ONECUT2: variants seen among roughly 807,000 people sequenced by gnomAD.
The protein encoded by ONECUT2 is one cut homeobox 2.
In ONECUT2, 10 loss-of-function variants were observed where a neutral mutation model predicts 27.9. The observed-to-expected ratio is 0.36, with a 90% CI of 0.22 to 0.61. The LOEUF (loss-of-function observed/expected upper bound fraction) is 0.61. Ranked by LOEUF, ONECUT2 falls within the 20% of genes least tolerant of loss-of-function variation. The probability of loss-of-function intolerance (pLI) is 0.73; values close to 1 mark genes in which losing one functional copy is unlikely to be tolerated. For synonymous variants in ONECUT2, 334 were observed against 315.1 expected, an observed-to-expected ratio of 1.06 and a Z score of -0.64; for missense variants, 686 against 721.0, an observed-to-expected ratio of 0.95 and a Z score of 0.56.
At chr18:57,438,819 G>A (rs2050158429) in intron 1 of ONECUT2, among the ~76,000 whole-genome samples, 1 of 151,166 alleles carries the variant, frequency 6.6e-6, no homozygotes, top group South Asian at 2.1e-4. Context: ...TTGGTTCGGG[G>A]CAAGATAAAG....
rs556926000 is a variant in ONECUT2 at position 57,467,096 on chromosome 18, C to A, written c.1229-9341C>A. 11 of 447,314 alleles carry A rather than the reference C, an allele frequency of 2.5e-5. No individual in the cohort carries two copies. The East Asian group carries it at 4.2e-4, about 17-fold the overall frequency. 27.7% of individuals were successfully genotyped at this position (447,314 alleles called of 1,614,324 possible). A position where few individuals can be genotyped will look rare whatever the true frequency, so the allele number is the denominator to read the frequency against. On this transcript the variant is annotated intron_variant, in intron 1 of 1. Coordinates refer to ENST00000491143, the MANE Select transcript of ONECUT2 (RefSeq NM_004852.3). ...ATCCAAGAGCCCTCATTTCCTGAGT[C>A]CCCTTCAGTGACTTTGTATTGAAAG...
chr18:57,442,210 T>G (rs4940401), intron 1 of ONECUT2, among the ~76,000 whole-genome samples: 14,894 of 149,886 alleles, frequency 0.099, 913 homozygotes, highest in South Asian at 0.17. Context: ...ATCAGGGACC[T>G]AAGTGGGAGT....
Position 57,436,528 on chromosome 18 carries a change from C to G in ONECUT2, c.812C>G (p.Thr271Ser). The G allele has an allele frequency of 6.2e-7, 1 of 1,612,888 alleles. No individual in the cohort carries two copies. Among genetic ancestry groups the G allele is most frequent in the South Asian group, 1.1e-5 (1 of 91,074 alleles). Reference sequence around the variant, plus strand: ...GACGCGCACCACACTGCCATGCTGACCCGCGGTGAGCAACACCTGTCCCGC... The same window carrying G: ...GACGCGCACCACACTGCCATGCTGAGCCGCGGTGAGCAACACCTGTCCCGC... ...NFDAHHTAMLTRGEQHLSRGL... is the reference protein window; with the variant it reads ...NFDAHHTAMLSRGEQHLSRGL... Residue 271 changes from threonine to serine, a missense_variant, in exon 1 of 2, where the codon ACC (threonine) becomes AGC (serine). By Grantham distance (58) the Thr-to-Ser change is moderately conservative. Around this residue, in one of 4 missense-constraint regions of ONECUT2, gnomAD observed 511 missense variants for 488.1 expected, o/e 1.05. Coordinates refer to ENST00000491143, the MANE Select transcript of ONECUT2 (RefSeq NM_004852.3). The surrounding 1 kb of genome is among the most constrained non-coding windows in gnomAD (Gnocchi z 5.9).
At chr18:57,470,561 A>G (rs906798438) in intron 1 of ONECUT2, among the ~76,000 whole-genome samples, 3 of 152,138 alleles carry the variant, frequency 2.0e-5, no homozygotes, top group Non-Finnish European at 4.4e-5. Flanking sequence ...GAAACTGACA[A>G]CCCTGGACTG....
intron 1 of ONECUT2, among the ~76,000 whole-genome samples, chr18:57,471,073 C>T (rs1037470115): frequency 8.5e-5 from 13 of 152,246 alleles, no homozygotes; most frequent in African/African-American, 2.7e-4. Flanking sequence ...CAGGACACCA[C>T]GGGGCCTTTT....
rs565395216 is a variant in ONECUT2, at chr18:57,442,679, G to A, written c.1228+5735G>A. The stretch of plus-strand genomic sequence containing the variant: ...AAGACTCCTAGGCCCTGGGAGGGGC[G>A]AGTGGGCCTTTAGAGGATAGAATCA... On this transcript the variant is annotated intron_variant, in intron 1 of 1. Coordinates refer to ENST00000491143, the MANE Select transcript of ONECUT2 (RefSeq NM_004852.3). Among the ~76,000 whole-genome samples the A allele has an allele frequency of 4.6e-5, 7 of 152,284 alleles. No homozygotes were observed. The South Asian group carries it at 8.3e-4, about 18-fold the overall frequency.
At chr18:57,448,819 C>T (rs2050214979) in intron 1 of ONECUT2, among the ~76,000 whole-genome samples, 1 of 152,156 alleles carries the variant, frequency 6.6e-6, no homozygotes, top group African/African-American at 2.4e-5. Context: ...TAAACAAGAC[C>T]TTTTCTATTA....
rs1054993388 is a variant in ONECUT2, at chr18:57,486,010, T to C, written c.*9287T>C. Reference sequence around the variant, plus strand: ...GACAGAGCAAAGATGACTTAATTCATTGAGCAGCAGAGCTCCCTATAAGTG... The same window carrying C: ...GACAGAGCAAAGATGACTTAATTCACTGAGCAGCAGAGCTCCCTATAAGTG... On this transcript the variant is annotated 3_prime_UTR_variant, in exon 2 of 2. Transcript: ENST00000491143. 6.6e-6 allele frequency: 1 copy of C among 152,636 alleles called. No individual in the cohort carries two copies. Among genetic ancestry groups the C allele is most frequent in the African/African-American group, 2.4e-5 (1 of 41,442 alleles). The allele number at this position is 152,636 out of a possible 1,614,324, so 9.5% of individuals were successfully genotyped here.
At chr18:57,437,928 C>T (rs1598927937) in intron 1 of ONECUT2, among the ~76,000 whole-genome samples, 1 of 152,212 alleles carries the variant, frequency 6.6e-6, no homozygotes, top group African/African-American at 2.4e-5. Flanking sequence ...ATTGTGCGCG[C>T]CTGGCGACCG....
chr18:57,441,620 C>T (rs1429991418), intron 1 of ONECUT2, among the ~76,000 whole-genome samples: 5 of 152,264 alleles, frequency 3.3e-5, no homozygotes, highest in Non-Finnish European at 7.3e-5. Flanking sequence ...GAACGGTGCC[C>T]GAGTCTTCCT....
At chr18:57,445,138 AT>A (rs2144300279) in intron 1 of ONECUT2, among the ~76,000 whole-genome samples, 1 of 152,288 alleles carries the variant, frequency 6.6e-6, no homozygotes, top group South Asian at 2.1e-4. Context: ...CTTCATTAAG[AT>A]TGGTTCACTT....
chr18:57,464,732 G>A (rs2050311364), intron 1 of ONECUT2, among the ~76,000 whole-genome samples: 1 of 152,158 alleles, frequency 6.6e-6, no homozygotes, highest in African/African-American at 2.4e-5. Context: ...CATTAGTGTA[G>A]TCTTAACAAA....
In ONECUT2 at chr18:57,438,507, G is replaced by A. The variant is rs545360708; in HGVS notation, c.1228+1563G>A. Reference sequence around the variant, plus strand: ...CACCGCTGAGCCCAGCTTGTGGGGTGCACTCGACCAACGCCCGACAGGGCT... The same window carrying A: ...CACCGCTGAGCCCAGCTTGTGGGGTACACTCGACCAACGCCCGACAGGGCT... On this transcript the variant is annotated intron_variant, in intron 1 of 1. Transcript: ENST00000491143. Among the ~76,000 whole-genome samples, 66 of 152,332 alleles carry A rather than the reference G, an allele frequency of 4.3e-4. No homozygotes were observed. The South Asian group carries it at 0.013, about 30-fold the overall frequency.
chr18:57,460,917 CT>C (rs2050287682), intron 1 of ONECUT2, among the ~76,000 whole-genome samples: 1 of 152,178 alleles, frequency 6.6e-6, no homozygotes, highest in Non-Finnish European at 1.5e-5. Flanking sequence ...TCTCAAATGC[CT>C]GAGTTCAAGT....
At chr18:57,438,907 G>A (rs529480918) in intron 1 of ONECUT2, among the ~76,000 whole-genome samples, 3 of 152,192 alleles carry the variant, frequency 2.0e-5, no homozygotes, top group Non-Finnish European at 2.9e-5. Context: ...TTTTGTCATA[G>A]ATCCCCCCGA....
intron 1 of ONECUT2, among the ~76,000 whole-genome samples, chr18:57,456,800 T>TA (rs1408285711): frequency 2.6e-5 from 4 of 152,176 alleles, no homozygotes; most frequent in Admixed American, 6.5e-5. Context: ...GCTCAATTTT[T>TA]AAAAAAAATT....
chr18:57,454,070 C>T (rs867261725), intron 1 of ONECUT2, among the ~76,000 whole-genome samples: 22 of 152,022 alleles, frequency 1.4e-4, no homozygotes, highest in Non-Finnish European at 2.5e-4. Flanking sequence ...CAAAGAACTG[C>T]TTTTTGTTGC....
chr18:57,439,838 G>A (rs1208612397), intron 1 of ONECUT2, among the ~76,000 whole-genome samples: 1 of 152,214 alleles, frequency 6.6e-6, no homozygotes, highest in Non-Finnish European at 1.5e-5. Flanking sequence ...ATAGGTTATA[G>A]GTTCCCTTTC....
At chr18:57,442,244 G>GT (rs796717767) in intron 1 of ONECUT2, among the ~76,000 whole-genome samples, 5,340 of 112,068 alleles carry the variant, frequency 0.048, 172 homozygotes, top group African/African-American at 0.099. Flanking sequence ...ATTCTTCTGG[G>GT]TTTTTTTTTT....
Sources: gnomAD v4.1 joint callset for allele counts (sites outside exome capture counted in the v4.1 genomes callset) on GRCh38, gnomAD v4.1.1 for gene constraint, gnomAD v4.1.1 regional missense constraint, Gnocchi (gnomAD v3.1) non-coding constraint, MANE v1.5 for transcripts, NCBI Gene and HGNC (gene_info 2026-07-23, HGNC 2026-07-21) for gene names.